The following PAX5 variants were observed in gnomAD, a reference collection of about 807,000 sequenced individuals.
PAX5 encodes the protein paired box 5.
In PAX5, 9 loss-of-function variants were observed where a neutral mutation model predicts 43.7. The ratio of observed to expected loss-of-function variants is 0.21; its 90% CI spans 0.12 to 0.36. The LOEUF (loss-of-function observed/expected upper bound fraction) is 0.36. Ranked by LOEUF, PAX5 falls within the 10% of genes least tolerant of loss-of-function variation. PAX5 has a pLI of 1.00. For missense variants in PAX5, 383 were observed against 532.7 expected (o/e 0.72, Z 2.77); for synonymous variants, 228 against 214.3 (o/e 1.06, Z -0.56).
At chr9:37,026,409 C>G (rs2132536306) in intron 1 of PAX5, 2 of 885,526 alleles carry the variant, frequency 2.3e-6, no homozygotes, top group Non-Finnish European at 3.1e-6. Context: ...CTGCACTTTG[C>G]AAAGTTAGCT....
At chr9:36,883,961 C>T (rs1454055480) in intron 7 of PAX5, among the ~76,000 whole-genome samples, 2 of 152,080 alleles carry the variant, frequency 1.3e-5, no homozygotes, top group Non-Finnish European at 2.9e-5. Flanking sequence ...AGAATACCAA[C>T]ATCCCAATAA....
chr9:37,013,250 G>A (rs1050922014), intron 3 of PAX5, among the ~76,000 whole-genome samples: 10 of 152,178 alleles, frequency 6.6e-5, no homozygotes, highest in Admixed American at 1.3e-4. Context: ...AAGAAGCACT[G>A]CCCCTTTAAT....
At chr9:36,846,990 C>G (rs1822657867) in intron 8 of PAX5, 61 bp from the exon 9 acceptor site, 3 of 1,230,714 alleles carry the variant, frequency 2.4e-6, no homozygotes, top group Non-Finnish European at 3.6e-6. Flanking sequence ...TCAGAAAAGG[C>G]CCTGGGTCCC....
intron 8 of PAX5, among the ~76,000 whole-genome samples, chr9:36,873,180 C>T (rs768609914): frequency 3.9e-5 from 6 of 152,246 alleles, no homozygotes; most frequent in Non-Finnish European, 8.8e-5. Flanking sequence ...TCCCCCTCAC[C>T]TGCATTTCCC....
intron 7 of PAX5, among the ~76,000 whole-genome samples, chr9:36,895,333 T>C (rs1320518281): frequency 2.6e-5 from 4 of 152,202 alleles, no homozygotes; most frequent in Admixed American, 2.6e-4. Context: ...CAGAAACTCT[T>C]CTAAATGCCT....
intron 7 of PAX5, among the ~76,000 whole-genome samples, chr9:36,920,107 G>A (rs1013486633): frequency 6.6e-6 from 1 of 152,098 alleles, no homozygotes; most frequent in Non-Finnish European, 1.5e-5. Context: ...TGCTTCTTAT[G>A]GATAAGCAAA....
chr9:36,967,047 A>G (rs1056002679), intron 5 of PAX5, among the ~76,000 whole-genome samples: 1 of 152,166 alleles, frequency 6.6e-6, no homozygotes, highest in African/African-American at 2.4e-5. Context: ...AGAGAGATTT[A>G]TTGGTTTGCC....
In PAX5 at chr9:36,834,855, G is replaced by A. The variant is rs1390417118; in HGVS notation, c.*5705C>T. On this transcript the variant is annotated 3_prime_UTR_variant, in exon 10 of 10. Coordinates refer to ENST00000358127, the MANE Select transcript of PAX5 (RefSeq NM_016734.3). ...GCCACAGGGTCACAGGGTGGGGGGC[G>A]GGGGTCAGGGCAGGTGAGGCTGGTG... 1.1e-4 allele frequency: 17 copies of A among 157,362 alleles called. No individual in the cohort carries two copies. The highest frequency in any genetic ancestry group is 4.0e-4 in the African/African-American group (16 of 40,224). 9.7% of individuals were successfully genotyped at this position (157,362 alleles called of 1,614,324 possible). A position where few individuals can be genotyped will look rare whatever the true frequency, so the allele number is the denominator to read the frequency against.
At chr9:36,855,223 A>C (rs1476816654) in intron 8 of PAX5, among the ~76,000 whole-genome samples, 1 of 152,254 alleles carries the variant, frequency 6.6e-6, no homozygotes, top group African/African-American at 2.4e-5. Flanking sequence ...ACATGGGGCC[A>C]GGAGGAAACA....
intron 7 of PAX5, among the ~76,000 whole-genome samples, chr9:36,886,894 T>C (rs1398883486): frequency 1.3e-5 from 2 of 152,236 alleles, no homozygotes; most frequent in African/African-American, 4.8e-5. Flanking sequence ...CTTTGCTTAC[T>C]ATCAGCAAGG....
rs146452243 is a variant in PAX5, at chr9:36,928,123, T to G, written c.781-4639A>C. On this transcript the variant is annotated intron_variant, in intron 6 of 9. Transcript: ENST00000358127. ...CTCCTGCATGAGCCAGGGGAAGCTGTCATTTAGTTTTGGTGTTTAATTGTT... is the reference window on the plus strand; with the variant it reads ...CTCCTGCATGAGCCAGGGGAAGCTGGCATTTAGTTTTGGTGTTTAATTGTT... 4.6e-3 allele frequency among the ~76,000 whole-genome samples: 708 copies of G among 152,340 alleles called. 10 individuals carry two copies. Among genetic ancestry groups the G allele is most frequent in the African/African-American group, 0.014 (580 of 41,578 alleles).
At position 36,954,659 on chromosome 9, in the gene PAX5, A is replaced by G. The variant is rs187174332; in HGVS notation, c.780+11890T>C. 2.6e-4 allele frequency among the ~76,000 whole-genome samples: 40 copies of G among 152,210 alleles called. No individual in the cohort carries two copies. The East Asian group carries it at 7.3e-3, about 28-fold the overall frequency. ...TTTCTCTTGTCTTTGATGTTCTTCA[A>G]TTTCACTAAAGTTTTGCTTAGATGT... On this transcript the variant is annotated intron_variant, in intron 6 of 9. Coordinates refer to ENST00000358127, the MANE Select transcript of PAX5 (RefSeq NM_016734.3).
intron 1 of PAX5, chr9:37,026,589 A>T (rs1840401698): frequency 7.4e-7 from 1 of 1,347,496 alleles, no homozygotes; most frequent in African/African-American, 1.5e-5. Context: ...GGCGCTCCAG[A>T]CTGCAGGCCG....
At chr9:36,922,413 C>A (rs186351404) in intron 7 of PAX5, among the ~76,000 whole-genome samples, 2 of 152,184 alleles carry the variant, frequency 1.3e-5, no homozygotes, top group Non-Finnish European at 2.9e-5. Context: ...AGTACCCGAG[C>A]GGGCCTCCTG....
At chr9:36,857,887 G>A (rs922473096) in intron 8 of PAX5, among the ~76,000 whole-genome samples, 4 of 152,222 alleles carry the variant, frequency 2.6e-5, no homozygotes, top group South Asian at 4.1e-4. Flanking sequence ...TCTGAACCAC[G>A]TCATGGTTTT....
At chr9:37,005,317 T>C (rs1308242727) in intron 4 of PAX5, among the ~76,000 whole-genome samples, 1 of 152,260 alleles carries the variant, frequency 6.6e-6, no homozygotes. Flanking sequence ...CCCTTTCTTA[T>C]AGGCTTGGCC....
At chr9:36,847,372 T>C (rs1822695745) in intron 8 of PAX5, among the ~76,000 whole-genome samples, 2 of 152,152 alleles carry the variant, frequency 1.3e-5, no homozygotes, top group African/African-American at 4.8e-5. Context: ...GGCTCAGTTC[T>C]ACCCCCCACC....
At chr9:36,910,442 C>G (rs1035839285) in intron 7 of PAX5, among the ~76,000 whole-genome samples, 1 of 152,220 alleles carries the variant, frequency 6.6e-6, no homozygotes, top group South Asian at 2.1e-4. Context: ...CTGTATATAA[C>G]AAGGTCTCCA....
intron 9 of PAX5, among the ~76,000 whole-genome samples, chr9:36,846,635 G>A (rs1822600271): frequency 6.6e-6 from 1 of 152,162 alleles, no homozygotes; most frequent in South Asian, 2.1e-4. Flanking sequence ...AAAGCATCTG[G>A]GGGAGGGAGG....
Sources: gnomAD v4.1 joint callset for allele counts (sites outside exome capture counted in the v4.1 genomes callset) on GRCh38, gnomAD v4.1.1 for gene constraint, MANE v1.5 for transcripts, NCBI Gene and HGNC (gene_info 2026-07-23, HGNC 2026-07-21) for gene names.